STK39: variants seen among roughly 807,000 people sequenced by gnomAD.
STK39 encodes the protein STE20/SPS1-related proline-alanine-rich protein kinase.
A neutral mutation model predicts 77.8 loss-of-function variants in STK39; 20 were observed. The ratio of observed to expected loss-of-function variants is 0.26; its 90% CI spans 0.18 to 0.37. The LOEUF (loss-of-function observed/expected upper bound fraction) is 0.37. Ranked by LOEUF, STK39 falls within the 10% of genes least tolerant of loss-of-function variation. The probability of loss-of-function intolerance (pLI) is 1.00; values close to 1 mark genes in which losing one functional copy is unlikely to be tolerated. For missense variants in STK39, 479 were observed against 656.5 expected (o/e 0.73, Z 2.95); for synonymous variants, 246 against 234.1 (o/e 1.05, Z -0.47).
rs1444135258 is a variant in STK39, at chr2:168,247,216, C to A, written c.208+12G>T. ...CGGCCTGTGCCGGCCCCGCCGCGCC[C>A]GCCGCACTGACCGATAACCTCCTGC... On this transcript the variant is annotated intron_variant, in intron 1 of 17. Transcript: ENST00000355999. 5.0e-6 allele frequency: 6 copies of A among 1,202,608 alleles called. No individual in the cohort carries two copies. The East Asian group carries it at 1.6e-4, about 32-fold the overall frequency. 74.5% of individuals were successfully genotyped at this position (1,202,608 alleles called of 1,614,324 possible).
chr2:168,245,119 T>C (rs1251653167), intron 1 of STK39, among the ~76,000 whole-genome samples: 17 of 152,230 alleles, frequency 1.1e-4, no homozygotes, highest in Non-Finnish European at 4.4e-5. Context: ...ATACCATTAT[T>C]CAACTTTTAT....
chr2:168,189,121 CA>C (rs1689277993), intron 1 of STK39, among the ~76,000 whole-genome samples: 3 of 152,220 alleles, frequency 2.0e-5, no homozygotes, highest in Middle Eastern at 3.4e-3. Context: ...ACATAAAAAG[CA>C]AACAGTAGGA....
chr2:168,053,780 C>T (rs759446391), intron 14 of STK39, among the ~76,000 whole-genome samples: 6 of 152,196 alleles, frequency 3.9e-5, no homozygotes, highest in East Asian at 1.9e-4. Flanking sequence ...ACACCTTACA[C>T]GACCCTCTAT....
intron 1 of STK39, among the ~76,000 whole-genome samples, chr2:168,195,620 T>C (rs181372608): frequency 3.7e-4 from 56 of 152,328 alleles, no homozygotes; most frequent in Non-Finnish European, 6.0e-4. Context: ...AGATTCAGTC[T>C]CCTGATGTGT....
intron 14 of STK39, among the ~76,000 whole-genome samples, chr2:168,036,814 T>C (rs772788225): frequency 2.0e-5 from 3 of 151,846 alleles, no homozygotes; most frequent in Non-Finnish European, 4.4e-5. Flanking sequence ...CAGAGAGAGG[T>C]TGAGAAAGGA....
intron 2 of STK39, among the ~76,000 whole-genome samples, chr2:168,180,495 T>C (rs938920986): frequency 9.8e-5 from 15 of 152,354 alleles, no homozygotes; most frequent in Middle Eastern, 3.4e-3. Context: ...TCAGGATTCC[T>C]AAAGGGATCT....
At chr2:168,171,061 C>T (rs184518333) in intron 2 of STK39, among the ~76,000 whole-genome samples, 81 of 152,328 alleles carry the variant, frequency 5.3e-4, no homozygotes, top group African/African-American at 1.8e-3. Flanking sequence ...GAGACTTAGA[C>T]ATGTCACAAG....
chr2:168,224,540 A>C (rs560910138), intron 1 of STK39, among the ~76,000 whole-genome samples: 2 of 152,310 alleles, frequency 1.3e-5, no homozygotes, highest in South Asian at 4.1e-4. Flanking sequence ...TCAACTCCTC[A>C]CCAAAGCAAT....
chr2:167,978,879 A>G (rs575322537), intron 16 of STK39, among the ~76,000 whole-genome samples: 1 of 152,170 alleles, frequency 6.6e-6, no homozygotes, highest in East Asian at 1.9e-4. Context: ...GTACATACCC[A>G]TTTTATCTAG....
At chr2:168,039,333 C>T (rs1685042440) in intron 14 of STK39, among the ~76,000 whole-genome samples, 1 of 18,984 alleles carries the variant, frequency 5.3e-5, no homozygotes, top group Non-Finnish European at 2.1e-4. Flanking sequence ...TGGCTCACGC[C>T]TGTAATCCCA....
intron 16 of STK39, among the ~76,000 whole-genome samples, chr2:168,006,134 G>A (rs1298364399): frequency 1.3e-5 from 2 of 152,154 alleles, no homozygotes; most frequent in Non-Finnish European, 1.5e-5. Context: ...TAAAAACACA[G>A]CAAAGGGCAG....
At chr2:167,974,778 A>G (rs1029441389) in intron 16 of STK39, among the ~76,000 whole-genome samples, 1 of 152,208 alleles carries the variant, frequency 6.6e-6, no homozygotes, top group African/African-American at 2.4e-5. Flanking sequence ...TCACAAAAGG[A>G]TGGAAAGGAC....
At chr2:168,157,286 T>G (rs1417965519) in intron 5 of STK39, among the ~76,000 whole-genome samples, 1 of 152,178 alleles carries the variant, frequency 6.6e-6, no homozygotes, top group African/African-American at 2.4e-5. Flanking sequence ...ATAAGCTTGA[T>G]TTGAATGGAT....
chr2:168,023,781 T>C (rs980744882), intron 14 of STK39, among the ~76,000 whole-genome samples: 5 of 152,108 alleles, frequency 3.3e-5, no homozygotes, highest in African/African-American at 9.7e-5. Flanking sequence ...TGCTCTCAAA[T>C]GAAGATGAAA....
chr2:168,180,043 AC>A (rs1429139469), intron 2 of STK39, among the ~76,000 whole-genome samples: 1 of 152,166 alleles, frequency 6.6e-6, no homozygotes, highest in African/African-American at 2.4e-5. Flanking sequence ...CTAACAGAAT[AC>A]CACAATCAAA....
intron 10 of STK39, among the ~76,000 whole-genome samples, chr2:168,123,265 A>G (rs1294960830): frequency 1.3e-5 from 2 of 152,248 alleles, no homozygotes; most frequent in Non-Finnish European, 2.9e-5. Flanking sequence ...ATAATTCTGA[A>G]CTGAATCCTG....
At chr2:168,202,621 C>T (rs1689638519) in intron 1 of STK39, among the ~76,000 whole-genome samples, 1 of 152,252 alleles carries the variant, frequency 6.6e-6, no homozygotes, top group Middle Eastern at 3.4e-3. Context: ...GGTCATGATG[C>T]TCTGTCCAAC....
intron 8 of STK39, among the ~76,000 whole-genome samples, chr2:168,131,523 G>A (rs1010672406): frequency 1.3e-5 from 2 of 152,142 alleles, no homozygotes; most frequent in Admixed American, 6.6e-5. Flanking sequence ...ATGTCATTAC[G>A]TGCATCAGTA....
intron 1 of STK39, among the ~76,000 whole-genome samples, chr2:168,199,428 G>A (rs922510114): frequency 6.6e-6 from 1 of 152,162 alleles, no homozygotes; most frequent in Non-Finnish European, 1.5e-5. Flanking sequence ...GTTCCGTTTT[G>A]CAAAATTGTA....
Sources: allele counts gnomAD v4.1 joint callset (sites outside exome capture counted in the v4.1 genomes callset), GRCh38; gene constraint gnomAD v4.1.1; transcripts MANE v1.5; gene names NCBI Gene and HGNC (gene_info 2026-07-23, HGNC 2026-07-21).